ZNF638: variants seen among roughly 807,000 people sequenced by gnomAD.
ZNF638 encodes the protein zinc finger protein 638, also known as CTCL tumor antigen se33-1.
ZNF638 carries 46 observed loss-of-function variants against 195.6 expected under a neutral mutation model. The ratio of observed to expected loss-of-function variants is 0.24; its 90% CI spans 0.19 to 0.30. The LOEUF (loss-of-function observed/expected upper bound fraction) is 0.30. ZNF638 is among the 10% of genes least tolerant of loss of function. The pLI is 1.00. For synonymous variants in ZNF638, 845 were observed against 772.0 expected (o/e 1.09, Z -1.57); for missense variants, 2,440 against 2,325.3 (o/e 1.05, Z -1.01).
In ZNF638 at chr2:71,350,073, C is replaced by T; in HGVS notation, c.1119C>T (p.Tyr373=). ...GATCAAGAGGAAGTAAAAAGAATTA[C>T]CAGTCACAGGCTGACATTCCCATTC... ...HVGSRGSKKN[Y]QSQADIPIRS... The change falls in exon 2 of 28, where the codon TAC becomes TAT. Residue 373 remains tyrosine (Y), a synonymous_variant. Coordinates refer to ENST00000264447, the MANE Select transcript of ZNF638 (RefSeq NM_014497.5). 1 of 1,614,134 alleles carries T rather than the reference C, an allele frequency of 6.2e-7. No individual in the cohort carries two copies. The highest frequency in any genetic ancestry group is 8.5e-7 in the Non-Finnish European group (1 of 1,180,032).
intron 25 of ZNF638, among the ~76,000 whole-genome samples, chr2:71,429,491 G>C (rs2080611153): frequency 6.6e-6 from 1 of 151,990 alleles, no homozygotes; most frequent in African/African-American, 2.4e-5. Context: ...GTAAATCTAG[G>C]ATCTCCCTTG....
chr2:71,404,063 TTA>T lies in ZNF638; in HGVS notation c.2958+67_2958+68del, dbSNP rs143415779. 386 of 1,498,344 alleles carry T rather than the reference TTA, an allele frequency of 2.6e-4. No homozygotes were observed. In the African/African-American group the frequency reaches 5.0e-3, roughly 19 times the overall value. The allele number at this position is 1,498,344 out of a possible 1,614,324, so 92.8% of individuals were successfully genotyped here. On this transcript the variant is annotated intron_variant, in intron 17 of 27. Transcript: ENST00000264447. ...TTTAAATCAGATTTGTTACAGTCTG[TTA>T]TGTTTTCTAGTTTTCCACTTTGGTT...
intron 10 of ZNF638, among the ~76,000 whole-genome samples, chr2:71,384,160 T>C (rs2079590942): frequency 2.0e-5 from 3 of 152,210 alleles, no homozygotes; most frequent in Admixed American, 6.5e-5. Flanking sequence ...CTACTTCAGC[T>C]CTCAAATTCT....
intron 1 of ZNF638, among the ~76,000 whole-genome samples, chr2:71,335,833 C>T (rs111329000): frequency 1.3e-5 from 2 of 152,074 alleles, no homozygotes; most frequent in Admixed American, 6.5e-5. Context: ...TCAAATTTCC[C>T]CAGTTGTAAC....
chr2:71,406,008 TTTC>T, intron 18 of ZNF638, 117 bp from the exon 19 acceptor site: 1 of 1,206,542 alleles, frequency 8.3e-7, no homozygotes, highest in Non-Finnish European at 1.2e-6. Context: ...ATGTAGTCAT[TTTC>T]TTACTCTTGG....
At chr2:71,405,551 G>A (rs780100721) in intron 17 of ZNF638, 50 bp from the exon 18 acceptor site, 2 of 1,147,116 alleles carry the variant, frequency 1.7e-6, no homozygotes, top group South Asian at 2.8e-5. Flanking sequence ...GTAAGTATTT[G>A]TATGAGAAAG....
At chr2:71,401,332 A>G (rs1226111297) in intron 15 of ZNF638, among the ~76,000 whole-genome samples, 1 of 52,948 alleles carries the variant, frequency 1.9e-5, no homozygotes, top group Non-Finnish European at 3.5e-5. Context: ...ATCTGAGAGA[A>G]GGGATGGCAG....
chr2:71,423,496 A>C lies in ZNF638; in HGVS notation c.3982A>C (p.Thr1328Pro). The stretch of plus-strand genomic sequence containing the variant: ...AACCAGAATGGATCTTCAAATAGGA[A>C]CAGAGAAGGCTGAAAAGAATGAAGG... ...KETRMDLQIG[T>P]EKAEKNEGRM... is the part of the protein sequence containing the mutation. The change falls in exon 22 of 28, where the codon ACA becomes CCA. Residue 1328 changes from threonine to proline, a missense_variant. Coordinates refer to ENST00000264447, the MANE Select transcript of ZNF638 (RefSeq NM_014497.5). The C allele has an allele frequency of 6.2e-7, 1 of 1,614,022 alleles. No homozygotes were observed. The highest frequency in any genetic ancestry group is 8.5e-7 in the Non-Finnish European group (1 of 1,180,000).
chr2:71,337,780 T>C (rs1330404931), intron 1 of ZNF638, among the ~76,000 whole-genome samples: 1 of 125,276 alleles, frequency 8.0e-6, no homozygotes, highest in Non-Finnish European at 1.9e-5. Context: ...AGCAGTTTTT[T>C]TTTCCCCCTC....
chr2:71,347,638 A>G (rs2078872608), intron 1 of ZNF638, among the ~76,000 whole-genome samples: 1 of 152,216 alleles, frequency 6.6e-6, no homozygotes, highest in Non-Finnish European at 1.5e-5. Flanking sequence ...CTATATGCTC[A>G]TACATTTTTT....
intron 10 of ZNF638, among the ~76,000 whole-genome samples, chr2:71,393,066 A>G (rs926087738): frequency 6.6e-6 from 1 of 152,234 alleles, no homozygotes; most frequent in Non-Finnish European, 1.5e-5. Flanking sequence ...TTTGTCACAC[A>G]TGGAGCATCC....
intron 8 of ZNF638, among the ~76,000 whole-genome samples, chr2:71,371,198 G>A (rs531052970): frequency 6.6e-6 from 1 of 152,190 alleles, no homozygotes; most frequent in African/African-American, 2.4e-5. Flanking sequence ...TGGCTGAAGA[G>A]TACTCCATTG....
chr2:71,406,486 C>A (rs754298616), intron 19 of ZNF638, among the ~76,000 whole-genome samples: 1 of 151,990 alleles, frequency 6.6e-6, no homozygotes. Context: ...ATAAGACTTA[C>A]GCAAGGGGGA....
chr2:71,365,618 C>T lies in ZNF638; in HGVS notation c.1907C>T (p.Ser636Phe). Reference protein sequence around the residue: ...TKSDSNLGGHSIRCKSKNLED... With the variant: ...TKSDSNLGGHFIRCKSKNLED... Reference sequence around the variant, plus strand: ...AGTGATTCAAATCTAGGAGGACATTCTATTCGTTGTAAATCAAAGAATCTT... The same window carrying T: ...AGTGATTCAAATCTAGGAGGACATTTTATTCGTTGTAAATCAAAGAATCTT... Residue 636 changes from serine to phenylalanine, a missense_variant, in exon 6 of 28, where the codon TCT (serine) becomes TTT (phenylalanine). By Grantham distance (155) the Ser-to-Phe change is radical. Around this residue, in one of 5 missense-constraint regions of ZNF638, gnomAD observed 1,883 missense variants for 1,739.1 expected, o/e 1.08. Transcript: ENST00000264447. 1 of 1,614,098 alleles carries T rather than the reference C, an allele frequency of 6.2e-7. No homozygotes were observed.
intron 2 of ZNF638, among the ~76,000 whole-genome samples, chr2:71,351,773 C>T (rs1195855688): frequency 6.6e-6 from 1 of 152,114 alleles, no homozygotes; most frequent in African/African-American, 2.4e-5. Flanking sequence ...GCAGTTTATT[C>T]AGTCTTATTG....
intron 1 of ZNF638, among the ~76,000 whole-genome samples, chr2:71,334,085 T>C (rs540291524): frequency 2.0e-4 from 30 of 152,344 alleles, no homozygotes; most frequent in African/African-American, 7.2e-4. Context: ...GTAGAACTTA[T>C]CAATATATAT....
intron 1 of ZNF638, among the ~76,000 whole-genome samples, chr2:71,339,150 G>GTT (rs35822775): frequency 5.4e-5 from 7 of 130,146 alleles, no homozygotes; most frequent in Admixed American, 1.5e-4. Flanking sequence ...GTCGGTTTAG[G>GTT]TTTTTTTTTT....
chr2:71,364,567 T>C (rs779028586), intron 5 of ZNF638, among the ~76,000 whole-genome samples: 2 of 152,226 alleles, frequency 1.3e-5, no homozygotes, highest in Admixed American at 1.3e-4. Flanking sequence ...TGTGACTTAA[T>C]GTTGATTTTA....
chr2:71,391,179 G>A (rs1274335051), intron 10 of ZNF638, among the ~76,000 whole-genome samples: 3 of 152,156 alleles, frequency 2.0e-5, no homozygotes, highest in African/African-American at 7.2e-5. Context: ...CATGACTTAC[G>A]GGCTATCAGT....
Sources: allele counts gnomAD v4.1 joint callset (sites outside exome capture counted in the v4.1 genomes callset), GRCh38; gene constraint gnomAD v4.1.1; regional missense constraint gnomAD v4.1.1; transcripts MANE v1.5; gene names NCBI Gene and HGNC (gene_info 2026-07-23, HGNC 2026-07-21).